The following FHIT variants were observed in gnomAD, a reference collection of about 807,000 sequenced individuals.
FHIT encodes fragile histidine triad diadenosine triphosphatase.
FHIT carries 19 observed loss-of-function variants against 17.9 expected under a neutral mutation model. The observed-to-expected ratio is 1.06, with a 90% confidence interval of 0.74 to 1.56. The LOEUF (loss-of-function observed/expected upper bound fraction) is 1.56, where lower values mean the gene tolerates loss of function less well. Ranked by LOEUF, FHIT falls within the 40% of genes most tolerant of loss-of-function variation. FHIT has a pLI of 0.00. For missense variants in FHIT, 248 were observed against 189.2 expected, an observed-to-expected ratio of 1.31 and a Z score of -1.82; for synonymous variants, 81 against 69.7, an observed-to-expected ratio of 1.16 and a Z score of -0.81.
chr3:61,176,054 C>A (rs931425882), intron 2 of FHIT, among the ~76,000 whole-genome samples: 1 of 152,188 alleles, frequency 6.6e-6, no homozygotes, highest in African/African-American at 2.4e-5. Flanking sequence ...GAGCATTCAA[C>A]AAAGTGGCAA....
intron 3 of FHIT, among the ~76,000 whole-genome samples, chr3:60,988,814 T>C (rs143763430): frequency 2.8e-3 from 422 of 152,132 alleles, no homozygotes; most frequent in African/African-American, 9.8e-3. Flanking sequence ...GAGGCTGCTC[T>C]TTATAGAACT....
At chr3:60,284,859 C>T (rs1707645650) in intron 5 of FHIT, among the ~76,000 whole-genome samples, 1 of 152,048 alleles carries the variant, frequency 6.6e-6, no homozygotes, top group African/African-American at 2.4e-5. Flanking sequence ...ATTTTGTTCC[C>T]CAAGCCCACT....
chr3:60,444,085 T>A (rs1339410768), intron 5 of FHIT, among the ~76,000 whole-genome samples: 1 of 151,922 alleles, frequency 6.6e-6, no homozygotes, highest in Non-Finnish European at 1.5e-5. Context: ...AAAAGACACA[T>A]GAAAAAAATG....
Position 61,044,295 on chromosome 3 carries a change from G to T in FHIT, c.-163-2196C>A, listed in dbSNP as rs552739759. Among the ~76,000 whole-genome samples, 11 of 152,296 alleles carry T rather than the reference G, an allele frequency of 7.2e-5. No homozygotes were observed. The South Asian group carries it at 2.3e-3, about 32-fold the overall frequency. ...GTGTAGAGAAGTCCTTAAATGACCT[G>T]GTGGAGCTGAAAACCATGGCTCAAG... On this transcript the variant is annotated intron_variant, in intron 2 of 9. Coordinates refer to ENST00000492590, the MANE Select transcript of FHIT (RefSeq NM_002012.4).
At chr3:60,171,066 T>C (rs1701397802) in intron 5 of FHIT, among the ~76,000 whole-genome samples, 1 of 152,190 alleles carries the variant, frequency 6.6e-6, no homozygotes, top group Non-Finnish European at 1.5e-5. Flanking sequence ...ATTAAACATT[T>C]TTCAAAGACC....
intron 5 of FHIT, among the ~76,000 whole-genome samples, chr3:60,119,933 T>G (rs1235520794): frequency 1.3e-5 from 2 of 152,162 alleles, no homozygotes; most frequent in Non-Finnish European, 2.9e-5. Flanking sequence ...AAATGGCATT[T>G]AGGGTCCTGT....
intron 8 of FHIT, among the ~76,000 whole-genome samples, chr3:59,844,359 T>A (rs1029489123): frequency 6.6e-6 from 1 of 152,182 alleles, no homozygotes; most frequent in Non-Finnish European, 1.5e-5. Flanking sequence ...ATGGGCATAC[T>A]TTCCTTGTTC....
At chr3:60,222,348 C>T (rs572505492) in intron 5 of FHIT, among the ~76,000 whole-genome samples, 66 of 152,314 alleles carry the variant, frequency 4.3e-4, no homozygotes, top group African/African-American at 1.5e-3. Context: ...TCTTCAACTT[C>T]AGTCATTCAC....
chr3:60,302,175 T>C (rs1487911706), intron 5 of FHIT, among the ~76,000 whole-genome samples: 1 of 152,166 alleles, frequency 6.6e-6, no homozygotes, highest in Non-Finnish European at 1.5e-5. Flanking sequence ...TTTTCCTTTT[T>C]GAAGATATTG....
intron 8 of FHIT, among the ~76,000 whole-genome samples, chr3:59,878,056 G>A (rs546861137): frequency 2.0e-5 from 3 of 152,226 alleles, no homozygotes; most frequent in South Asian, 4.2e-4. Context: ...TATATTTTAG[G>A]TTAATAGTTG....
intron 4 of FHIT, among the ~76,000 whole-genome samples, chr3:60,729,127 C>G (rs377102568): frequency 1.3e-5 from 2 of 152,134 alleles, no homozygotes; most frequent in African/African-American, 4.8e-5. Context: ...AACAGTGGCC[C>G]GAAGGCCACG....
intron 4 of FHIT, among the ~76,000 whole-genome samples, chr3:60,578,551 A>G (rs1553658485): frequency 2.0e-5 from 3 of 152,094 alleles, no homozygotes; most frequent in African/African-American, 4.8e-5. Context: ...TTATTCTTAT[A>G]AAGTACCTGC....
intron 5 of FHIT, among the ~76,000 whole-genome samples, chr3:60,029,283 T>C (rs1700881585): frequency 6.6e-6 from 1 of 152,212 alleles, no homozygotes; most frequent in Non-Finnish European, 1.5e-5. Flanking sequence ...GCGTGGTCAT[T>C]TTTATAGTCC....
intron 8 of FHIT, among the ~76,000 whole-genome samples, chr3:59,880,795 G>A (rs149742052): frequency 2.4e-4 from 37 of 152,284 alleles, no homozygotes; most frequent in African/African-American, 8.9e-4. Flanking sequence ...GATTATAGAC[G>A]TTAGATCAAT....
At chr3:59,922,481 T>C (rs1434744908) in intron 7 of FHIT, 67 bp from the exon 8 acceptor site, 2 of 1,355,690 alleles carry the variant, frequency 1.5e-6, no homozygotes, top group African/African-American at 1.4e-5. Context: ...TTGACAGTGA[T>C]GCTCTCATGA....
chr3:59,857,025 C>T (rs150435046), intron 8 of FHIT, among the ~76,000 whole-genome samples: 217 of 152,274 alleles, frequency 1.4e-3, no homozygotes, highest in African/African-American at 5.0e-3. Context: ...ATGTAACAAT[C>T]GCAGTCTCTG....
intron 4 of FHIT, among the ~76,000 whole-genome samples, chr3:60,663,744 A>C (rs2040317830): frequency 6.6e-6 from 1 of 152,146 alleles, no homozygotes; most frequent in South Asian, 2.1e-4. Context: ...TTAAGTGTAT[A>C]CCTGAATCTT....
intron 4 of FHIT, among the ~76,000 whole-genome samples, chr3:60,717,317 G>A (rs2041706981): frequency 1.3e-5 from 2 of 152,180 alleles, no homozygotes; most frequent in South Asian, 2.1e-4. Context: ...TAGCATTTAA[G>A]ATCTACTCTC....
At chr3:60,457,945 G>C (rs991734792) in intron 5 of FHIT, among the ~76,000 whole-genome samples, 25 of 152,172 alleles carry the variant, frequency 1.6e-4, no homozygotes, top group African/African-American at 6.0e-4. Context: ...AGGTGCTGGA[G>C]AGGATGTGGA....
Sources: gnomAD v4.1 joint callset for allele counts (sites outside exome capture counted in the v4.1 genomes callset) on GRCh38, gnomAD v4.1.1 for gene constraint, MANE v1.5 for transcripts, NCBI Gene and HGNC (gene_info 2026-07-23, HGNC 2026-07-21) for gene names.